FCGR3A: variants seen among roughly 807,000 people sequenced by gnomAD.
The protein encoded by FCGR3A is low affinity immunoglobulin gamma Fc region receptor III-A.
FCGR3A carries 13 observed loss-of-function variants against 24.1 expected under a neutral mutation model. The observed-to-expected ratio is 0.54, with a 90% confidence interval of 0.35 to 0.86. The LOEUF is 0.86. Ranked by LOEUF, FCGR3A falls within the 40% of genes least tolerant of loss-of-function variation. FCGR3A has a pLI of 0.01. For synonymous variants in FCGR3A, 93 were observed against 112.2 expected (o/e 0.83, Z 1.08); for missense variants, 235 against 298.0 (o/e 0.79, Z 1.56).
At position 161,541,901 on chromosome 1, in the gene FCGR3A, T is replaced by G. The variant is rs1402557175; in HGVS notation, c.*1111A>C. On this transcript the variant is annotated 3_prime_UTR_variant, in exon 5 of 5. Coordinates refer to ENST00000443193, the MANE Select transcript of FCGR3A (RefSeq NM_000569.8). ...CAGAGACAGCTAAAGCTTTCTTTCA[T>G]AAGCAACAATTGTCTTCTCCATCCC... 1.3e-5 allele frequency: 2 copies of G among 152,248 alleles called. No individual in the cohort carries two copies. The highest frequency in any genetic ancestry group is 2.1e-4 in the South Asian group (1 of 4,822). The allele number at this position is 152,248 out of a possible 1,614,324, so 9.4% of individuals were successfully genotyped here. A position where few individuals can be genotyped will look rare whatever the true frequency, so the allele number is the denominator to read the frequency against.
chr1:161,550,271 A>G (rs1456224590), upstream of FCGR3A, among the ~76,000 whole-genome samples: 1 of 152,214 alleles, frequency 6.6e-6, no homozygotes, highest in African/African-American at 2.4e-5. Flanking sequence ...TCTTCAGACC[A>G]CTAGCAGTGT....
chr1:161,543,231 T>A, intron 4 of FCGR3A, 32 bp from the exon 5 acceptor site: 1 of 1,601,572 alleles, frequency 6.2e-7, no homozygotes, highest in South Asian at 1.1e-5. Flanking sequence ...TGAAAAAAAA[T>A]GACAGTCACT....
chr1:161,542,036 A>G lies in FCGR3A; in HGVS notation c.*976T>C, dbSNP rs537353600. On this transcript the variant is annotated 3_prime_UTR_variant, in exon 5 of 5. Coordinates refer to ENST00000443193, the MANE Select transcript of FCGR3A (RefSeq NM_000569.8). The stretch of plus-strand genomic sequence containing the variant: ...TATACAACATTTGTTTAATAAATGC[A>G]ATGAACAAAGCTACACAGGAATTAG... The G allele has an allele frequency of 4.6e-5, 7 of 152,358 alleles. No homozygotes were observed. Among genetic ancestry groups the G allele is most frequent in the East Asian group, 3.8e-4 (2 of 5,320 alleles). The allele number at this position is 152,358 out of a possible 1,614,324, so 9.4% of individuals were successfully genotyped here.
In FCGR3A at chr1:161,549,780, C is replaced by A; in HGVS notation, c.-44G>T. On this transcript the variant is annotated 5_prime_UTR_variant, in exon 1 of 5. Coordinates refer to ENST00000443193, the MANE Select transcript of FCGR3A (RefSeq NM_000569.8). ...ACAAGTCACCAAAGATATCCGGAGCCCTAAAGGGACCAAACCGACTAGACA... is the reference window on the plus strand; with the variant it reads ...ACAAGTCACCAAAGATATCCGGAGCACTAAAGGGACCAAACCGACTAGACA... The A allele has an allele frequency of 2.5e-6, 4 of 1,613,832 alleles. No homozygotes were observed. Among genetic ancestry groups the A allele is most frequent in the Non-Finnish European group, 3.4e-6 (4 of 1,179,894 alleles).
chr1:161,549,660 T>G lies in FCGR3A; in HGVS notation c.40+37A>C, dbSNP rs762461000. 120 of 1,611,992 alleles carry G rather than the reference T, an allele frequency of 7.4e-5. 1 individual carries two copies. In the South Asian group the frequency reaches 1.3e-3, roughly 18 times the overall value. ...GGGTCTCTGCTGAACCCAAGGCATCTCAAACTTCTCCCTCAACCAGGGAGA... is the reference window on the plus strand; with the variant it reads ...GGGTCTCTGCTGAACCCAAGGCATCGCAAACTTCTCCCTCAACCAGGGAGA... On this transcript the variant is annotated intron_variant, in intron 1 of 4. Transcript: ENST00000443193.
chr1:161,547,261 G>C (rs957882873), intron 3 of FCGR3A, among the ~76,000 whole-genome samples: 3 of 152,172 alleles, frequency 2.0e-5, no homozygotes, highest in Admixed American at 6.5e-5. Context: ...CAGTTGAGTG[G>C]TACTGTCAGA....
chr1:161,547,372 C>T (rs1475465015), intron 3 of FCGR3A, among the ~76,000 whole-genome samples: 1 of 152,112 alleles, frequency 6.6e-6, no homozygotes, highest in Admixed American at 6.5e-5. Context: ...CTTGTTCCAC[C>T]CATAAACATT....
At chr1:161,550,581 C>T (rs940990345), upstream of FCGR3A, 1 of 152,362 alleles carries the variant, frequency 6.6e-6, no homozygotes, top group Non-Finnish European at 1.5e-5. Flanking sequence ...CCCTCCGGGC[C>T]ACTGGATCTG....
intron 3 of FCGR3A, chr1:161,545,386 T>C (rs10429882): frequency 0.39 from 66,734 of 172,122 alleles, 13,336 homozygotes; most frequent in East Asian, 0.6. Context: ...TCAGAAGGAA[T>C]AGGCAATCAA....
At chr1:161,543,606 C>T (rs1456452682) in intron 4 of FCGR3A, among the ~76,000 whole-genome samples, 5 of 151,482 alleles carry the variant, frequency 3.3e-5, no homozygotes, top group Non-Finnish European at 5.9e-5. Flanking sequence ...AAAAAAATGA[C>T]CAGAATAGTT....
intron 4 of FCGR3A, among the ~76,000 whole-genome samples, chr1:161,543,515 G>A (rs1219491582): frequency 6.6e-6 from 1 of 152,140 alleles, no homozygotes; most frequent in Non-Finnish European, 1.5e-5. Context: ...ACAATGCTAT[G>A]GTCTAGAAAC....
intron 3 of FCGR3A, among the ~76,000 whole-genome samples, chr1:161,546,338 C>T (rs560024878): frequency 5.9e-5 from 9 of 152,048 alleles, no homozygotes; most frequent in Admixed American, 2.0e-4. Context: ...CATTCTTGTT[C>T]GAATCTATCC....
At chr1:161,549,061 A>T in intron 1 of FCGR3A, 30 bp from the exon 2 acceptor site, 1 of 1,572,542 alleles carries the variant, frequency 6.4e-7, no homozygotes, top group Non-Finnish European at 8.7e-7. Context: ...TCAAATATTG[A>T]GTAGGGGCAG....
At chr1:161,545,935 G>A (rs1489854099) in intron 3 of FCGR3A, among the ~76,000 whole-genome samples, 2 of 151,856 alleles carry the variant, frequency 1.3e-5, no homozygotes, top group Non-Finnish European at 1.5e-5. Flanking sequence ...TATTAACAGG[G>A]GTTTTCTCTG....
At chr1:161,546,715 C>T (rs975289556) in intron 3 of FCGR3A, among the ~76,000 whole-genome samples, 1 of 151,838 alleles carries the variant, frequency 6.6e-6, no homozygotes, top group Non-Finnish European at 1.5e-5. Flanking sequence ...ACCATCCTGG[C>T]TAACGCTGCG....
Position 161,543,177 on chromosome 1 carries a change from T to C in FCGR3A, c.600A>G (p.Ser200=), listed in dbSNP as rs777580101. 5.0e-6 allele frequency: 8 copies of C among 1,613,100 alleles called. No homozygotes were observed. The highest frequency in any genetic ancestry group is 1.7e-5 in the Admixed American group (1 of 59,926). ...ITQGLAVSTI[S]SFFPPGYQVS... ...CTTGGTACCCAGGTGGAAAGAATGA[T>C]GAGATGGTTGACACTGCCAAACCTA... Residue 200 remains serine (S), a synonymous_variant, in exon 5 of 5, where the codon TCA becomes TCG. Transcript: ENST00000443193.
chr1:161,546,140 G>A (rs1677383712), intron 3 of FCGR3A, among the ~76,000 whole-genome samples: 2 of 152,040 alleles, frequency 1.3e-5, no homozygotes, highest in South Asian at 2.1e-4. Flanking sequence ...TTGGTAGGAC[G>A]TGTGTTGGTC....
At position 161,548,527 on chromosome 1, in the gene FCGR3A, G is replaced by C. The variant is rs1213544120; in HGVS notation, c.213C>G (p.Ala71=). Residue 71 remains alanine (A), a synonymous_variant, in exon 3 of 5, where the codon GCC becomes GCG. Coordinates refer to ENST00000443193, the MANE Select transcript of FCGR3A (RefSeq NM_000569.8). ...TGGCAGCGTCAATGAAGTAGCTCGA[G>C]GCCTGGCTTGAGATGAGGCTCTCAT... The part of the protein sequence containing the change: ...FHNESLISSQ[A]SSYFIDAATV... The C allele has an allele frequency of 3.1e-6, 5 of 1,613,918 alleles. No homozygotes were observed. Among genetic ancestry groups the C allele is most frequent in the Admixed American group, 1.7e-5 (1 of 60,002 alleles).
At chr1:161,544,376 T>C (rs1399880731) in intron 4 of FCGR3A, among the ~76,000 whole-genome samples, 1 of 151,696 alleles carries the variant, frequency 6.6e-6, no homozygotes, top group African/African-American at 2.4e-5. Context: ...GCCAGCACGA[T>C]AGGAACATAT....
Sources: allele counts gnomAD v4.1 joint callset (sites outside exome capture counted in the v4.1 genomes callset), GRCh38; gene constraint gnomAD v4.1.1; transcripts MANE v1.5; gene names NCBI Gene and HGNC (gene_info 2026-07-23, HGNC 2026-07-21).